MACROD2: variants seen among roughly 807,000 people sequenced by gnomAD.
The protein encoded by MACROD2 is ADP-ribose glycohydrolase MACROD2.
MACROD2 carries 36 observed loss-of-function variants against 70.4 expected under a neutral mutation model. The observed-to-expected ratio is 0.51, with a 90% confidence interval of 0.39 to 0.68. The LOEUF is 0.68. MACROD2 is among the 30% of genes least tolerant of loss of function. The pLI, the probability that MACROD2 is intolerant of heterozygous loss-of-function variation, is 0.00. For synonymous variants in MACROD2, 172 were observed against 178.8 expected (o/e 0.96, Z 0.30); for missense variants, 496 against 538.4 (o/e 0.92, Z 0.78).
intron 5 of MACROD2, among the ~76,000 whole-genome samples, chr20:14,756,162 C>T (rs1459088352): frequency 1.3e-5 from 2 of 152,098 alleles, no homozygotes; most frequent in Admixed American, 1.3e-4. Context: ...CTCACCATTG[C>T]TTACTAAACT....
At chr20:15,639,949 GA>G (rs2146771375) in intron 8 of MACROD2, among the ~76,000 whole-genome samples, 1 of 151,302 alleles carries the variant, frequency 6.6e-6, no homozygotes, top group African/African-American at 2.4e-5. Context: ...AAAGGAGAGA[GA>G]GGGGATGAGA....
chr20:14,040,823 T>A (rs1293271531), intron 2 of MACROD2, among the ~76,000 whole-genome samples: 4 of 152,212 alleles, frequency 2.6e-5, no homozygotes, highest in African/African-American at 9.6e-5. Flanking sequence ...TATGGCCTGT[T>A]ATTAATTGAA....
intron 3 of MACROD2, among the ~76,000 whole-genome samples, chr20:14,237,620 C>A (rs1037482842): frequency 6.6e-5 from 10 of 151,516 alleles, no homozygotes; most frequent in African/African-American, 2.2e-4. Context: ...TATACATGTG[C>A]CATGCTGGTG....
intron 10 of MACROD2, among the ~76,000 whole-genome samples, chr20:15,888,809 T>G (rs1461414150): frequency 6.6e-6 from 1 of 152,126 alleles, no homozygotes; most frequent in Non-Finnish European, 1.5e-5. Context: ...AGGATTTTTG[T>G]GCTGAATGGT....
At chr20:14,936,955 A>G (rs1480712780) in intron 5 of MACROD2, among the ~76,000 whole-genome samples, 1 of 152,228 alleles carries the variant, frequency 6.6e-6, no homozygotes, top group African/African-American at 2.4e-5. Context: ...GAGAAAATAA[A>G]CAAAAGAAAA....
intron 3 of MACROD2, among the ~76,000 whole-genome samples, chr20:14,243,662 T>G (rs2081946826): frequency 6.6e-6 from 1 of 152,216 alleles, no homozygotes. Flanking sequence ...TCAGGAGTAG[T>G]GAAGAACTTA....
At position 14,582,533 on chromosome 20, in the gene MACROD2, C is replaced by A. The variant is rs574861405; in HGVS notation, c.301+89025C>A. Among the ~76,000 whole-genome samples the A allele has an allele frequency of 2.0e-5, 3 of 152,072 alleles. No homozygotes were observed. The South Asian group carries it at 6.2e-4, about 32-fold the overall frequency. ...GCAGCAAACATTTTATAGACTCAAGCCACATAATAGGTCCATAACATCAGC... is the reference window on the plus strand; with the variant it reads ...GCAGCAAACATTTTATAGACTCAAGACACATAATAGGTCCATAACATCAGC... On this transcript the variant is annotated intron_variant, in intron 4 of 17. Coordinates refer to ENST00000684519, the MANE Select transcript of MACROD2 (RefSeq NM_001351661.2).
chr20:14,411,664 G>T (rs546430963), intron 3 of MACROD2, among the ~76,000 whole-genome samples: 7 of 152,134 alleles, frequency 4.6e-5, no homozygotes, highest in African/African-American at 7.2e-5. Context: ...TCCCATACTG[G>T]TGGCTGCTGC....
At chr20:15,650,303 C>T (rs528725656) in intron 8 of MACROD2, among the ~76,000 whole-genome samples, 1 of 152,250 alleles carries the variant, frequency 6.6e-6, no homozygotes, top group Middle Eastern at 3.4e-3. Context: ...CAATGTATAC[C>T]AGATTGTATC....
intron 2 of MACROD2, chr20:14,003,537 A>T (rs1023840180): frequency 8.8e-5 from 27 of 306,272 alleles, no homozygotes; most frequent in African/African-American, 5.7e-4. Flanking sequence ...TTGTTTTAAG[A>T]ATGGTCTGAT....
intron 8 of MACROD2, among the ~76,000 whole-genome samples, chr20:15,813,680 G>A (rs2063843569): frequency 6.6e-6 from 1 of 152,184 alleles, no homozygotes; most frequent in Admixed American, 6.5e-5. Context: ...CCAGGAGGCT[G>A]AGGTAGGAGG....
chr20:14,154,702 G>A (rs2055074830), intron 3 of MACROD2, among the ~76,000 whole-genome samples: 2 of 151,730 alleles, frequency 1.3e-5, no homozygotes, highest in South Asian at 2.1e-4. Context: ...GTGAGCCACC[G>A]CGCCCAGCCT....
rs550663359 is a variant in MACROD2, at chr20:15,888,281, A to G, written c.775+2470A>G. Among the ~76,000 whole-genome samples, 11 of 152,272 alleles carry G rather than the reference A, an allele frequency of 7.2e-5. No individual in the cohort carries two copies. In the South Asian group the frequency reaches 2.1e-3, roughly 29 times the overall value. On this transcript the variant is annotated intron_variant, in intron 10 of 17. Transcript: ENST00000684519. ...GAATGTCTTATTGTTAAAAAGAACC[A>G]TATGTTTAAAAAAGACTTGAAATTG...
intron 8 of MACROD2, among the ~76,000 whole-genome samples, chr20:15,555,625 T>TA (rs970878694): frequency 1.2e-4 from 18 of 151,538 alleles, no homozygotes; most frequent in Non-Finnish European, 1.5e-5. Context: ...CTCATTTATC[T>TA]AAAAAATGAC....
At chr20:16,043,547 C>T (rs2067336138) in intron 16 of MACROD2, among the ~76,000 whole-genome samples, 1 of 152,060 alleles carries the variant, frequency 6.6e-6, no homozygotes, top group Admixed American at 6.6e-5. Flanking sequence ...GAGTGCTATG[C>T]CTGCTCTGGG....
intron 4 of MACROD2, among the ~76,000 whole-genome samples, chr20:14,516,644 C>T (rs1444216483): frequency 6.6e-6 from 1 of 152,124 alleles, no homozygotes; most frequent in Non-Finnish European, 1.5e-5. Flanking sequence ...GGGCTCTGTT[C>T]TGTTCCATTG....
intron 2 of MACROD2, among the ~76,000 whole-genome samples, chr20:14,019,346 A>G (rs1431180501): frequency 6.6e-6 from 1 of 152,140 alleles, no homozygotes; most frequent in Non-Finnish European, 1.5e-5. Context: ...ATCTTGGCTT[A>G]CTGCAACCTC....
intron 3 of MACROD2, among the ~76,000 whole-genome samples, chr20:14,293,574 C>T (rs1230592272): frequency 6.6e-6 from 1 of 151,740 alleles, no homozygotes; most frequent in Non-Finnish European, 1.5e-5. Context: ...GATGTGCGGG[C>T]TGGGGAGTGG....
intron 8 of MACROD2, among the ~76,000 whole-genome samples, chr20:15,573,573 G>A (rs908380435): frequency 1.3e-5 from 2 of 152,130 alleles, no homozygotes; most frequent in African/African-American, 2.4e-5. Flanking sequence ...TAGAGGAATT[G>A]TAAAACTCAG....
Sources: allele counts gnomAD v4.1 joint callset (sites outside exome capture counted in the v4.1 genomes callset), GRCh38; gene constraint gnomAD v4.1.1; transcripts MANE v1.5; gene names NCBI Gene and HGNC (gene_info 2026-07-23, HGNC 2026-07-21).